Variants in SFRP4 observed in about 807,000 individuals in gnomAD.
The protein encoded by SFRP4 is secreted frizzled related protein 4.
A neutral mutation model predicts 36.3 loss-of-function variants in SFRP4; 25 were observed. That is an observed-to-expected ratio of 0.69 (90% CI 0.50 to 0.96). The LOEUF (loss-of-function observed/expected upper bound fraction) is 0.96. SFRP4 is among the 40% of genes least tolerant of loss of function. The pLI is 0.00. For synonymous variants in SFRP4, 182 were observed against 168.8 expected (o/e 1.08, Z -0.60); for missense variants, 487 against 459.6 (o/e 1.06, Z -0.54).
Position 37,916,292 on chromosome 7 carries a change from C to T in SFRP4, c.246G>A (p.Ala82=), listed in dbSNP as rs750458196. The part of the protein sequence containing the change: ...VLRFFLCAMY[A]PICTLEFLHD... ...GCAGGAACTCCAGGGTGCAAATGGG[C>T]GCGTACATGGCACAGAGGAAGAAGC... Residue 82 remains alanine, a synonymous_variant, in exon 1 of 6, where the codon GCG becomes GCA. Transcript: ENST00000436072. The surrounding 1 kb of genome is among the most constrained non-coding windows in gnomAD (Gnocchi z 4.1). 4 of 1,614,034 alleles carry T rather than the reference C, an allele frequency of 2.5e-6. No individual in the cohort carries two copies. Among genetic ancestry groups the T allele is most frequent in the East Asian group, 2.2e-5 (1 of 44,888 alleles).
chr7:37,914,357 T>C lies in SFRP4; in HGVS notation c.526+16A>G, dbSNP rs1785542526. The C allele has an allele frequency of 2.5e-6, 4 of 1,612,102 alleles. No individual in the cohort carries two copies. Among genetic ancestry groups the C allele is most frequent in the Non-Finnish European group, 3.4e-6 (4 of 1,178,154 alleles). On this transcript the variant is annotated intron_variant, in intron 2 of 5. Transcript: ENST00000436072. ...AGAGGAGAAGTAGAGGGAACGTCCA[T>C]GAAGAAAGAACTCACCGGGGCTTAG...
intron 4 of SFRP4, chr7:37,909,885 G>A (rs1181499046): frequency 3.0e-6 from 1 of 333,914 alleles, no homozygotes; most frequent in East Asian, 4.8e-5. Flanking sequence ...GAGATGATCT[G>A]CTGATCTGCA....
intron 3 of SFRP4, among the ~76,000 whole-genome samples, chr7:37,913,819 T>C (rs1476822844): frequency 6.6e-6 from 1 of 152,252 alleles, no homozygotes; most frequent in Non-Finnish European, 1.5e-5. Context: ...CTTAATTCTC[T>C]GACTCTCAGA....
At chr7:37,909,764 A>G (rs1377539575) in intron 4 of SFRP4, 84 bp from the exon 5 acceptor site, 6 of 755,722 alleles carry the variant, frequency 7.9e-6, no homozygotes, top group Admixed American at 2.3e-5. Flanking sequence ...AAATTATTCA[A>G]TAATCCTTTA....
chr7:37,909,464 A>G (rs989093067), intron 5 of SFRP4, among the ~76,000 whole-genome samples, 153 bp downstream of exon 5: 1 of 152,120 alleles, frequency 6.6e-6, no homozygotes, highest in African/African-American at 2.4e-5. Flanking sequence ...GAATAGCTAC[A>G]CTCTTAACGG....
chr7:37,911,988 G>T lies in SFRP4; in HGVS notation c.791+131C>A, dbSNP rs890086350. On this transcript the variant is annotated intron_variant, in intron 4 of 5. Transcript: ENST00000436072. ...TAGAATATATGCTATTCAAACAGAG[G>T]CATCTGTTAAACTAATTTTTTTAAA... The T allele has an allele frequency of 1.4e-5, 8 of 586,322 alleles. No individual in the cohort carries two copies. In the Admixed American group the frequency reaches 1.5e-4, roughly 11 times the overall value. The allele number at this position is 586,322 out of a possible 1,614,324, so 36.3% of individuals were successfully genotyped here.
At chr7:37,912,987 G>A (rs1418066671) in intron 3 of SFRP4, among the ~76,000 whole-genome samples, 1 of 152,136 alleles carries the variant, frequency 6.6e-6, no homozygotes, top group Admixed American at 6.5e-5. Context: ...TCCATTTCAG[G>A]AAGCCAGTTT....
In SFRP4 at chr7:37,907,352, G is replaced by T; in HGVS notation, c.*127C>A. 2 of 713,016 alleles carry T rather than the reference G, an allele frequency of 2.8e-6. No homozygotes were observed. The highest frequency in any genetic ancestry group is 2.2e-5 in the South Asian group (1 of 45,704). 44.2% of individuals were successfully genotyped at this position (713,016 alleles called of 1,614,324 possible). On this transcript the variant is annotated 3_prime_UTR_variant, in exon 6 of 6. Coordinates refer to ENST00000436072, the MANE Select transcript of SFRP4 (RefSeq NM_003014.4). ...CCTTAAGAAAAATGCTGCAAGATGT[G>T]TCTATGAAGAGCACTGCAGTGAGTT...
At position 37,916,407 on chromosome 7, in the gene SFRP4, T is replaced by C. The variant is rs762156391; in HGVS notation, c.131A>G (p.Asn44Ser). Residue 44 changes from asparagine (N) to serine (S), a missense_variant, in exon 1 of 6, where the codon AAC (asparagine) becomes AGC (serine). Asn to Ser is a conservative substitution (Grantham distance 46). Transcript: ENST00000436072. The surrounding 1 kb of genome is among the most constrained non-coding windows in gnomAD (Gnocchi z 4.1). ...CTCCTGCGTGCTGTGGTGCAGGTGG[T>C]TGGGCATCCGCGTGATGTTCCAGGG... ...HMPWNITRMP[N>S]HLHHSTQENA... The C allele has an allele frequency of 6.2e-7, 1 of 1,614,090 alleles. No individual in the cohort carries two copies.
At chr7:37,915,916 T>C (rs893098496) in intron 1 of SFRP4, among the ~76,000 whole-genome samples, 177 bp downstream of exon 1, 2 of 152,110 alleles carry the variant, frequency 1.3e-5, no homozygotes, top group African/African-American at 4.8e-5. Context: ...CGCTAGCTCC[T>C]AAAATTCCTA....
intron 4 of SFRP4, among the ~76,000 whole-genome samples, chr7:37,910,274 A>G (rs1367661240): frequency 3.3e-5 from 5 of 152,006 alleles, no homozygotes; most frequent in African/African-American, 7.2e-5. Context: ...TGGATTTAGA[A>G]TTAAGGAGAT....
rs1482121931 is a variant in SFRP4 at position 37,916,339 on chromosome 7, C to T, written c.199G>A (p.Val67Met). 6.2e-7 allele frequency: 1 copy of T among 1,614,128 alleles called. No homozygotes were observed. The highest frequency in any genetic ancestry group is 8.5e-7 in the Non-Finnish European group (1 of 1,180,046). ...AAGCGCAGCACGGCGCTGCAGTTCACGTCCACCAGCTCCTCGTACTGCTCG... is the reference window on the plus strand; with the variant it reads ...AAGCGCAGCACGGCGCTGCAGTTCATGTCCACCAGCTCCTCGTACTGCTCG... ...AIEQYEELVD[V>M]NCSAVLRFFL... Residue 67 changes from valine (V) to methionine (M), a missense_variant, in exon 1 of 6, where the codon GTG (valine) becomes ATG (methionine). By Grantham distance (21) the Val-to-Met change is conservative. Transcript: ENST00000436072. This position sits in a 1 kb window ranked among gnomAD's most constrained non-coding sequence, Gnocchi z 4.1.
intron 5 of SFRP4, among the ~76,000 whole-genome samples, chr7:37,909,208 G>T (rs1785443159): frequency 6.6e-6 from 1 of 152,112 alleles, no homozygotes; most frequent in Non-Finnish European, 1.5e-5. Context: ...TACAGGAAAA[G>T]ATTCTGCTGT....
At chr7:37,909,488 C>T in intron 5 of SFRP4, 129 bp downstream of exon 5, 2 of 527,916 alleles carry the variant, frequency 3.8e-6, no homozygotes, top group Non-Finnish European at 6.8e-6. Flanking sequence ...ATTCAAAAGA[C>T]AAATACTGTT....
chr7:37,914,571 A>G, intron 1 of SFRP4, 118 bp from the exon 2 acceptor site: 1 of 786,744 alleles, frequency 1.3e-6, no homozygotes, highest in South Asian at 1.5e-5. Context: ...ATAGTATTTA[A>G]TGGTAAAAAT....
intron 4 of SFRP4, among the ~76,000 whole-genome samples, chr7:37,911,619 A>G (rs529550083): frequency 6.6e-6 from 1 of 151,520 alleles, no homozygotes; most frequent in South Asian, 2.1e-4. Context: ...TTGAATTGAG[A>G]ATCACATATC....
chr7:37,912,384 A>AT (rs1785507138), intron 3 of SFRP4, 67 bp from the exon 4 acceptor site: 1 of 1,271,366 alleles, frequency 7.9e-7, no homozygotes, highest in African/African-American at 1.5e-5. Context: ...TGGTGTATTC[A>AT]TGCCAACTTC....
At position 37,916,496 on chromosome 7, in the gene SFRP4, G is replaced by T; in HGVS notation, c.42C>A (p.His14Gln). 1 of 1,612,274 alleles carries T rather than the reference G, an allele frequency of 6.2e-7. No homozygotes were observed. Among genetic ancestry groups the T allele is most frequent in the East Asian group, 2.2e-5 (1 of 44,836 alleles). The change falls in exon 1 of 6, where the codon CAC becomes CAA. Residue 14 changes from histidine to glutamine, a missense_variant. Coordinates refer to ENST00000436072, the MANE Select transcript of SFRP4 (RefSeq NM_003014.4). The surrounding 1 kb of genome is among the most constrained non-coding windows in gnomAD (Gnocchi z 4.1). Reference protein sequence around the residue: ...SILVALCLWLHLALGVRGAPC... With the variant: ...SILVALCLWLQLALGVRGAPC... ...GCGCGCCGCGCACGCCCAGCGCCAG[G>T]TGCAGCCACAGGCACAGCGCCACTA...
rs1333811284 is a variant in SFRP4 at position 37,916,085 on chromosome 7, G to A, written c.445+8C>T. On this transcript the variant is annotated splice_region_variant and intron_variant, in intron 1 of 5. Transcript: ENST00000436072. This position sits in a 1 kb window ranked among gnomAD's most constrained non-coding sequence, Gnocchi z 4.1. ...CCTCGCCTCCCTCCATCCTTCCTAC[G>A]GCCTCACCCTCCGGGAGGTCCGTGA... is the stretch of plus-strand genomic sequence containing the variant. 2 of 1,604,660 alleles carry A rather than the reference G, an allele frequency of 1.2e-6. No individual in the cohort carries two copies. The highest frequency in any genetic ancestry group is 1.7e-6 in the Non-Finnish European group (2 of 1,172,942).
Sources: allele counts gnomAD v4.1 joint callset (sites outside exome capture counted in the v4.1 genomes callset), GRCh38; gene constraint gnomAD v4.1.1; non-coding constraint Gnocchi (gnomAD v3.1); transcripts MANE v1.5; gene names NCBI Gene and HGNC (gene_info 2026-07-23, HGNC 2026-07-21).